Variants in RRAGD observed in about 807,000 individuals in gnomAD.
RRAGD encodes Ras related GTP binding D.
RRAGD carries 12 observed loss-of-function variants against 35.5 expected under a neutral mutation model. The ratio of observed to expected loss-of-function variants is 0.34; its 90% CI spans 0.22 to 0.55. The LOEUF is 0.55. Among genes scored for constraint, RRAGD ranks in the 20% least tolerant of loss-of-function variants. RRAGD has a pLI of 0.91. For synonymous variants in RRAGD, 155 were observed against 178.9 expected (o/e 0.87, Z 1.07); for missense variants, 324 against 490.1 (o/e 0.66, Z 3.20).
At chr6:89,394,920 A>C (rs1345077738) in intron 1 of RRAGD, among the ~76,000 whole-genome samples, 1 of 152,172 alleles carries the variant, frequency 6.6e-6, no homozygotes, top group Non-Finnish European at 1.5e-5. Context: ...TGAAAAGGAA[A>C]GAAAAACAAT....
Position 89,411,747 on chromosome 6 carries a change from C to G in RRAGD, c.148+99G>C. 1 of 1,340,374 alleles carries G rather than the reference C, an allele frequency of 7.5e-7. No individual in the cohort carries two copies. The highest frequency in any genetic ancestry group is 1.0e-6 in the Non-Finnish European group (1 of 995,062). The allele number at this position is 1,340,374 out of a possible 1,614,324, so 83.0% of individuals were successfully genotyped here. A position where few individuals can be genotyped will look rare whatever the true frequency, so the allele number is the denominator to read the frequency against. On this transcript the variant is annotated intron_variant, in intron 1 of 6. Transcript: ENST00000369415. The surrounding 1 kb of genome is among the most constrained non-coding windows in gnomAD (Gnocchi z 5.6). ...CAACTGGACCCGCTCCCCTGGACCC[C>G]CTCCAAGTCGGTGGCTCGCGCACGG...
In RRAGD at chr6:89,377,795, C is replaced by T. The variant is rs1027277460; in HGVS notation, c.778G>A (p.Ala260Thr). 4 of 1,594,488 alleles carry T rather than the reference C, an allele frequency of 2.5e-6. No homozygotes were observed. The highest frequency in any genetic ancestry group is 3.4e-6 in the Non-Finnish European group (4 of 1,174,600). The change falls in exon 5 of 7, where the codon GCA becomes ACA. Residue 260 changes from alanine (A) to threonine (T), a missense_variant. Ala to Thr is a moderately conservative substitution (Grantham distance 58). Around this residue, in one of 5 missense-constraint regions of RRAGD, gnomAD observed 152 missense variants for 296.9 expected, o/e 0.51. Coordinates refer to ENST00000369415, the MANE Select transcript of RRAGD (RefSeq NM_021244.5). ...TTACTGACCACATCAAATAGAAATG[C>T]CTTTTCAATTCCAGAATTCTGAAAT... ...IFISNSGIEK[A>T]FLFDVVSKIY...
intron 5 of RRAGD, 138 bp from the exon 6 acceptor site, chr6:89,372,723 G>A (rs1286910050): frequency 1.3e-6 from 1 of 777,498 alleles, no homozygotes; most frequent in East Asian, 2.8e-5. Flanking sequence ...TTCAGCAAAA[G>A]AGCTCAGAAA....
chr6:89,404,016 C>G (rs1230498986), intron 1 of RRAGD, among the ~76,000 whole-genome samples: 2 of 152,092 alleles, frequency 1.3e-5, no homozygotes, highest in East Asian at 3.8e-4. Context: ...GGCCTTTTGC[C>G]ATTTTTCCCA....
At chr6:89,404,716 T>TA (rs1473366522) in intron 1 of RRAGD, among the ~76,000 whole-genome samples, 1 of 151,964 alleles carries the variant, frequency 6.6e-6, no homozygotes, top group African/African-American at 2.4e-5. Context: ...CAGGCCTTAG[T>TA]AAAAAAAGAA....
intron 1 of RRAGD, among the ~76,000 whole-genome samples, chr6:89,394,655 G>C (rs1219364189): frequency 6.6e-6 from 1 of 152,146 alleles, no homozygotes; most frequent in African/African-American, 2.4e-5. Flanking sequence ...TGGTAAAAGA[G>C]AGGTAAGTCA....
chr6:89,376,289 C>T (rs890183934), intron 5 of RRAGD, among the ~76,000 whole-genome samples: 1 of 135,132 alleles, frequency 7.4e-6, no homozygotes, highest in Non-Finnish European at 1.6e-5. Flanking sequence ...TATCACTTTC[C>T]ATGTGTGTGT....
In RRAGD at chr6:89,367,941, A is replaced by T. The variant is rs1768782931; in HGVS notation, c.*115T>A. The T allele has an allele frequency of 2.1e-6, 2 of 931,974 alleles. No individual in the cohort carries two copies. 57.7% of individuals were successfully genotyped at this position (931,974 alleles called of 1,614,324 possible). A position where few individuals can be genotyped will look rare whatever the true frequency, so the allele number is the denominator to read the frequency against. On this transcript the variant is annotated 3_prime_UTR_variant, in exon 7 of 7. Transcript: ENST00000369415. ...AGGGTTGCAGGAATTTTTTTTTTTT[A>T]ACAACAAATCAATGGTATGTGTCCC...
chr6:89,376,664 T>C (rs926229336), intron 5 of RRAGD, among the ~76,000 whole-genome samples: 4 of 152,156 alleles, frequency 2.6e-5, no homozygotes, highest in African/African-American at 9.7e-5. Flanking sequence ...CATAATCAGT[T>C]TCCCCCACTC....
rs1262439114 is a variant in RRAGD, at chr6:89,411,734, C to T, written c.148+112G>A. The stretch of plus-strand genomic sequence containing the variant: ...CACCCCAAACCCTCAACTGGACCCG[C>T]TCCCCTGGACCCCCTCCAAGTCGGT... On this transcript the variant is annotated intron_variant, in intron 1 of 6. Coordinates refer to ENST00000369415, the MANE Select transcript of RRAGD (RefSeq NM_021244.5). This position sits in a 1 kb window ranked among gnomAD's most constrained non-coding sequence, Gnocchi z 5.6. The T allele has an allele frequency of 1.2e-5, 14 of 1,216,702 alleles. No homozygotes were observed. The Admixed American group carries it at 3.5e-4, about 30-fold the overall frequency. The allele number at this position is 1,216,702 out of a possible 1,614,324, so 75.4% of individuals were successfully genotyped here. A position where few individuals can be genotyped will look rare whatever the true frequency, so the allele number is the denominator to read the frequency against.
At chr6:89,376,002 G>A (rs980887225) in intron 5 of RRAGD, among the ~76,000 whole-genome samples, 1 of 152,198 alleles carries the variant, frequency 6.6e-6, no homozygotes, top group Non-Finnish European at 1.5e-5. Flanking sequence ...GATTAATTGT[G>A]TTGTTCATTG....
In RRAGD at chr6:89,366,753, TTAGTC is replaced by T. The variant is rs1462577691; in HGVS notation, c.*1298_*1302del. ...TAGATTTAGGACTCTTAATTTCCTG[TTAGTC>T]TAAAGTAAACATAAGTGAAATAATT... On this transcript the variant is annotated 3_prime_UTR_variant, in exon 7 of 7. Coordinates refer to ENST00000369415, the MANE Select transcript of RRAGD (RefSeq NM_021244.5). The T allele has an allele frequency of 6.6e-6, 1 of 152,184 alleles. No homozygotes were observed. The highest frequency in any genetic ancestry group is 1.5e-5 in the Non-Finnish European group (1 of 68,034). 9.4% of individuals were successfully genotyped at this position (152,184 alleles called of 1,614,324 possible). A position where few individuals can be genotyped will look rare whatever the true frequency, so the allele number is the denominator to read the frequency against.
chr6:89,411,925 A>C lies in RRAGD; in HGVS notation c.69T>G (p.Asp23Glu), dbSNP rs1769706556. The C allele has an allele frequency of 1.9e-6, 3 of 1,540,474 alleles. No individual in the cohort carries two copies. The highest frequency in any genetic ancestry group is 2.6e-6 in the Non-Finnish European group (3 of 1,145,264). Residue 23 changes from aspartate (D) to glutamate (E), a missense_variant, in exon 1 of 7, where the codon GAT becomes GAG. Physicochemically the swap from Asp to Glu is conservative, Grantham distance 45 (BLOSUM62 2). Transcript: ENST00000369415. The surrounding 1 kb of genome is among the most constrained non-coding windows in gnomAD (Gnocchi z 5.6). Reference sequence around the variant, plus strand: ...CGTAGTCCGCTAGCCCCACCAGCTCATCCTCCTCCTCCTCCTCCTCCGCGT... The same window carrying C: ...CGTAGTCCGCTAGCCCCACCAGCTCCTCCTCCTCCTCCTCCTCCTCCGCGT... ...EDDAEEEEEE[D>E]ELVGLADYGD...
Position 89,387,499 on chromosome 6 carries a change from T to C in RRAGD, c.240A>G (p.Lys80=), listed in dbSNP as rs1385536478. The change falls in exon 2 of 7, where the codon AAA becomes AAG. Residue 80 remains lysine, a synonymous_variant. Transcript: ENST00000369415. The part of the protein sequence containing the change: ...LRRSGKSSIQ[K]VVFHKMSPNE... The stretch of plus-strand genomic sequence containing the variant: ...TGGGAGACATTTTGTGAAAGACAAC[T>C]TTCTGAATAGACGACTTGCCGCTTC... 1.2e-6 allele frequency: 2 copies of C among 1,614,214 alleles called. No individual in the cohort carries two copies. The highest frequency in any genetic ancestry group is 1.3e-5 in the African/African-American group (1 of 75,044).
At chr6:89,385,088 A>C (rs944648478) in intron 2 of RRAGD, among the ~76,000 whole-genome samples, 3 of 152,124 alleles carry the variant, frequency 2.0e-5, no homozygotes, top group Non-Finnish European at 4.4e-5. Context: ...ACTTCAAGAA[A>C]CAAAATTAAA....
chr6:89,367,284 A>C lies in RRAGD; in HGVS notation c.*772T>G, dbSNP rs1250741002. 1.3e-5 allele frequency: 2 copies of C among 152,224 alleles called. No homozygotes were observed. Among genetic ancestry groups the C allele is most frequent in the Non-Finnish European group, 2.9e-5 (2 of 68,050 alleles). 9.4% of individuals were successfully genotyped at this position (152,224 alleles called of 1,614,324 possible). ...TTACTTCTCTCCAGTGTTCGGCACCATTTTGGAAATCTGGTCCCAAAGTTT... is the reference window on the plus strand; with the variant it reads ...TTACTTCTCTCCAGTGTTCGGCACCCTTTTGGAAATCTGGTCCCAAAGTTT... On this transcript the variant is annotated 3_prime_UTR_variant, in exon 7 of 7. Coordinates refer to ENST00000369415, the MANE Select transcript of RRAGD (RefSeq NM_021244.5).
At chr6:89,379,109 A>G (rs376896726) in intron 4 of RRAGD, 115 bp downstream of exon 4, 19 of 559,376 alleles carry the variant, frequency 3.4e-5, no homozygotes, top group East Asian at 6.2e-5. Flanking sequence ...TTTAAAAGTA[A>G]TACTTAAATG....
intron 1 of RRAGD, among the ~76,000 whole-genome samples, chr6:89,392,504 A>C (rs1166996772): frequency 6.6e-6 from 1 of 151,890 alleles, no homozygotes; most frequent in Non-Finnish European, 1.5e-5. Flanking sequence ...AGAATATAAA[A>C]TATAGAGATG....
At chr6:89,371,554 G>A (rs1768855382) in intron 6 of RRAGD, among the ~76,000 whole-genome samples, 1 of 152,228 alleles carries the variant, frequency 6.6e-6, no homozygotes, top group Non-Finnish European at 1.5e-5. Context: ...TCTAGATGGT[G>A]AAATACCTGG....
Sources: gnomAD v4.1 joint callset for allele counts (sites outside exome capture counted in the v4.1 genomes callset) on GRCh38, gnomAD v4.1.1 for gene constraint, gnomAD v4.1.1 regional missense constraint, Gnocchi (gnomAD v3.1) non-coding constraint, MANE v1.5 for transcripts, NCBI Gene and HGNC (gene_info 2026-07-23, HGNC 2026-07-21) for gene names.